Variants in EVI5 observed in about 807,000 individuals in gnomAD.
EVI5 encodes the protein ecotropic viral integration site 5 protein homolog.
In EVI5, 73 loss-of-function variants were observed where a neutral mutation model predicts 112.0. The ratio of observed to expected loss-of-function variants is 0.65; its 90% CI spans 0.54 to 0.79. EVI5 has a LOEUF of 0.79. Among genes scored for constraint, EVI5 ranks in the 30% least tolerant of loss-of-function variants. EVI5 has a pLI of 0.00. For missense variants in EVI5, 900 were observed against 968.8 expected (o/e 0.93, Z 0.94); for synonymous variants, 305 against 319.9 (o/e 0.95, Z 0.50).
chr1:92,756,610 C>T (rs1275606862), intron 1 of EVI5: 23 of 502,874 alleles, frequency 4.6e-5, no homozygotes, highest in Non-Finnish European at 8.2e-6. Context: ...TCAAATGGCA[C>T]AACTAAGTGT....
chr1:92,650,528 A>T (rs1211807706), intron 13 of EVI5, among the ~76,000 whole-genome samples: 1 of 152,012 alleles, frequency 6.6e-6, no homozygotes, highest in Non-Finnish European at 1.5e-5. Context: ...TTTTAACCTA[A>T]CAAGATCTTT....
chr1:92,670,082 G>A (rs71650502), intron 10 of EVI5, among the ~76,000 whole-genome samples: 35 of 152,094 alleles, frequency 2.3e-4, no homozygotes, highest in African/African-American at 7.7e-4. Context: ...ACATTCTTTA[G>A]GAAATTTACG....
At chr1:92,659,047 C>A (rs1350743344) in intron 13 of EVI5, among the ~76,000 whole-genome samples, 1 of 152,014 alleles carries the variant, frequency 6.6e-6, no homozygotes, top group Non-Finnish European at 1.5e-5. Context: ...AAATTGGATT[C>A]ATATCTCTCA....
intron 9 of EVI5, 89 bp downstream of exon 9, chr1:92,693,713 T>C (rs1452854749): frequency 2.8e-6 from 2 of 719,762 alleles, no homozygotes; most frequent in Admixed American, 2.3e-5. Flanking sequence ...AAGAAAATAA[T>C]ATAGTTCTAT....
At chr1:92,563,874 T>A in intron 18 of EVI5, 137 bp from the exon 19 acceptor site, 1 of 469,646 alleles carries the variant, frequency 2.1e-6, no homozygotes, top group Non-Finnish European at 3.8e-6. Context: ...ATTCTCAAAC[T>A]ACCTCTGACA....
At chr1:92,552,768 C>T (rs898876354) in intron 19 of EVI5, among the ~76,000 whole-genome samples, 3 of 152,128 alleles carry the variant, frequency 2.0e-5, no homozygotes, top group Non-Finnish European at 4.4e-5. Flanking sequence ...AGTTAATATT[C>T]CTAAGAGACT....
At chr1:92,520,892 T>G (rs1660802180) in intron 19 of EVI5, among the ~76,000 whole-genome samples, 1 of 150,784 alleles carries the variant, frequency 6.6e-6, no homozygotes, top group South Asian at 2.1e-4. Context: ...AATAGTGGCC[T>G]GCAAAAAGCA....
At chr1:92,530,351 G>C (rs1258311630) in intron 19 of EVI5, among the ~76,000 whole-genome samples, 2 of 152,090 alleles carry the variant, frequency 1.3e-5, no homozygotes, top group Non-Finnish European at 2.9e-5. Context: ...GGGGCGGTTG[G>C]GGGCACAGCC....
At chr1:92,520,871 ATTAG>A (rs894809669) in intron 19 of EVI5, among the ~76,000 whole-genome samples, 30 of 151,940 alleles carry the variant, frequency 2.0e-4, no homozygotes, top group African/African-American at 7.2e-4. Context: ...AAAAAAAGAA[ATTAG>A]TTTGAAAATA....
chr1:92,769,625 C>T (rs1683102779), intron 1 of EVI5, among the ~76,000 whole-genome samples: 1 of 152,122 alleles, frequency 6.6e-6, no homozygotes, highest in African/African-American at 2.4e-5. Context: ...GTGGCTCACG[C>T]CTGTAATCCC....
chr1:92,720,533 G>T (rs917640508), intron 2 of EVI5, among the ~76,000 whole-genome samples: 1 of 152,158 alleles, frequency 6.6e-6, no homozygotes, highest in African/African-American at 2.4e-5. Context: ...ATTCAAGATG[G>T]ATTAAAGACT....
At chr1:92,659,598 G>C (rs1328666123) in intron 13 of EVI5, among the ~76,000 whole-genome samples, 1 of 152,088 alleles carries the variant, frequency 6.6e-6, no homozygotes, top group Non-Finnish European at 1.5e-5. Context: ...ACAGATATTG[G>C]TGAGGATGTG....
intron 19 of EVI5, among the ~76,000 whole-genome samples, chr1:92,533,139 A>G (rs2101873563): frequency 1.3e-5 from 2 of 152,292 alleles, no homozygotes; most frequent in Middle Eastern, 3.4e-3. Context: ...AATACAAACT[A>G]TCATCAGAGA....
At chr1:92,682,706 G>A (rs372814029) in intron 9 of EVI5, among the ~76,000 whole-genome samples, 4 of 152,106 alleles carry the variant, frequency 2.6e-5, no homozygotes, top group African/African-American at 7.2e-5. Flanking sequence ...AGCCAAGATC[G>A]CACCATTGTA....
chr1:92,527,429 A>AAAAAAAAAAAAAAAAAAAAAAAAG (rs1662093705), intron 19 of EVI5, among the ~76,000 whole-genome samples: 2 of 134,754 alleles, frequency 1.5e-5, no homozygotes, highest in Non-Finnish European at 1.6e-5. Flanking sequence ...AAAAAAAAAA[A>AAAAAAAAAAAAAAAAAAAAAAAAG]AAAAGAAAAA....
At chr1:92,585,702 G>C (rs962747545) in intron 18 of EVI5, among the ~76,000 whole-genome samples, 5 of 152,032 alleles carry the variant, frequency 3.3e-5, no homozygotes, top group Admixed American at 6.6e-5. Flanking sequence ...AAATTGAGAA[G>C]ATAGAGAGTT....
chr1:92,596,322 C>T (rs559414650), intron 18 of EVI5, among the ~76,000 whole-genome samples: 15 of 152,190 alleles, frequency 9.9e-5, no homozygotes, highest in African/African-American at 2.7e-4. Context: ...ACTGCGCCAC[C>T]GCATTACAGC....
At chr1:92,731,071 C>T (rs1676386600) in intron 2 of EVI5, among the ~76,000 whole-genome samples, 2 of 152,138 alleles carry the variant, frequency 1.3e-5, no homozygotes, top group Non-Finnish European at 2.9e-5. Flanking sequence ...GGCCTGTAAT[C>T]CCAGCACTTT....
At chr1:92,542,177 C>T (rs1476150909) in intron 19 of EVI5, among the ~76,000 whole-genome samples, 2 of 152,198 alleles carry the variant, frequency 1.3e-5, no homozygotes, top group South Asian at 2.1e-4. Context: ...GCTTTATCAA[C>T]TAAGTTTACG....
Sources: allele counts gnomAD v4.1 joint callset (sites outside exome capture counted in the v4.1 genomes callset), GRCh38; gene constraint gnomAD v4.1.1; transcripts MANE v1.5; gene names NCBI Gene and HGNC (gene_info 2026-07-23, HGNC 2026-07-21).